The following IQSEC1 variants were observed in gnomAD, a reference collection of about 807,000 sequenced individuals.
IQSEC1 encodes IQ motif and SEC7 domain-containing protein 1.
Under a neutral mutation model 91.0 loss-of-function variants are expected in IQSEC1, and 31 were observed. The ratio of observed to expected loss-of-function variants is 0.34; its 90% CI spans 0.26 to 0.46. The LOEUF (loss-of-function observed/expected upper bound fraction) is 0.46, where lower values mean the gene tolerates loss of function less well. Ranked by LOEUF, IQSEC1 falls within the 20% of genes least tolerant of loss-of-function variation. The pLI, the probability that IQSEC1 is intolerant of heterozygous loss-of-function variation, is 1.00. For synonymous variants in IQSEC1, 699 were observed against 662.6 expected, an observed-to-expected ratio of 1.05 and a Z score of -0.84; for missense variants, 1,388 against 1,575.6, an observed-to-expected ratio of 0.88 and a Z score of 2.02.
At chr3:13,188,727 C>T (rs372826837) in intron 1 of IQSEC1, among the ~76,000 whole-genome samples, 7 of 152,202 alleles carry the variant, frequency 4.6e-5, no homozygotes, top group South Asian at 4.1e-4. Flanking sequence ...CCTCTTTCAC[C>T]GCAGGCCTGG....
At chr3:13,200,986 C>T (rs1694234039) in intron 1 of IQSEC1, among the ~76,000 whole-genome samples, 1 of 152,212 alleles carries the variant, frequency 6.6e-6, no homozygotes, top group Admixed American at 6.5e-5. Flanking sequence ...GCCAAGACCC[C>T]ATTCCTAGTC....
chr3:13,047,176 G>A (rs1037844310), intron 1 of IQSEC1, among the ~76,000 whole-genome samples: 3 of 152,204 alleles, frequency 2.0e-5, no homozygotes, highest in African/African-American at 7.2e-5. Flanking sequence ...GATCTCGGAA[G>A]AACTATCAGC....
At position 13,234,647 on chromosome 3, in the gene IQSEC1, C is replaced by T. The variant is rs903906790; in HGVS notation, c.272+48064G>A. Among the ~76,000 whole-genome samples, 4 of 152,168 alleles carry T rather than the reference C, an allele frequency of 2.6e-5. 1 individual carries two copies. The highest frequency in any genetic ancestry group is 2.0e-4 in the Admixed American group (3 of 15,278). On this transcript the variant is annotated intron_variant, in intron 1 of 15. Coordinates refer to the IQSEC1 transcript ENST00000648114. The stretch of plus-strand genomic sequence containing the variant: ...ACACAGGTTATGCCTGCAGCAGCAG[C>T]GAGAATCAAGTGAAATTGCCCAGTG...
chr3:13,122,395 G>A (rs761972238), intron 2 of IQSEC1, among the ~76,000 whole-genome samples: 8 of 152,316 alleles, frequency 5.3e-5, no homozygotes, highest in Non-Finnish European at 7.4e-5. Context: ...AGGGAGCCAC[G>A]GGAAGGTGCT....
At position 12,924,056 on chromosome 3, in the gene IQSEC1, G is replaced by A. The variant is rs937025486; in HGVS notation, c.1730+525C>T. Among the ~76,000 whole-genome samples, 5 of 152,228 alleles carry A rather than the reference G, an allele frequency of 3.3e-5. No individual in the cohort carries two copies. In the South Asian group the frequency reaches 8.3e-4, roughly 25 times the overall value. ...CGGGAGAATGAGGCAGGGGCAGAGC[G>A]TGGCACGGGCCGCCCACGGGGAGGC... On this transcript the variant is annotated intron_variant, in intron 4 of 13. Coordinates refer to ENST00000613206, the MANE Select transcript of IQSEC1 (RefSeq NM_001134382.3). The surrounding 1 kb of genome is among the most constrained non-coding windows in gnomAD (Gnocchi z 6.3).
At chr3:12,928,164 G>C (rs773209657) in intron 3 of IQSEC1, among the ~76,000 whole-genome samples, 1 of 152,084 alleles carries the variant, frequency 6.6e-6, no homozygotes, top group Non-Finnish European at 1.5e-5. Flanking sequence ...GAGGTGGGAG[G>C]GGGCCGGGTT....
At chr3:12,975,001 T>C (rs1701094847) in intron 1 of IQSEC1, among the ~76,000 whole-genome samples, 1 of 152,240 alleles carries the variant, frequency 6.6e-6, no homozygotes, top group African/African-American at 2.4e-5. Flanking sequence ...CCAGCCCCGC[T>C]ATGTGACCTC....
At chr3:13,240,429 G>A (rs1695001839) in intron 1 of IQSEC1, among the ~76,000 whole-genome samples, 1 of 152,114 alleles carries the variant, frequency 6.6e-6, no homozygotes, top group Non-Finnish European at 1.5e-5. Flanking sequence ...AGGCTCCCCA[G>A]GGCTAGGTGG....
At chr3:13,098,178 G>A (rs1159550230) in intron 2 of IQSEC1, among the ~76,000 whole-genome samples, 1 of 152,228 alleles carries the variant, frequency 6.6e-6, no homozygotes, top group Admixed American at 6.5e-5. Flanking sequence ...GAGCAACTAT[G>A]ATGTGCAGCC....
At chr3:13,220,483 T>C (rs1208161732) in intron 1 of IQSEC1, among the ~76,000 whole-genome samples, 2 of 152,226 alleles carry the variant, frequency 1.3e-5, no homozygotes, top group Non-Finnish European at 2.9e-5. Flanking sequence ...TCATCTAGAC[T>C]GAGACATGGG....
chr3:13,122,984 T>C (rs1706449940), intron 2 of IQSEC1, among the ~76,000 whole-genome samples: 1 of 152,108 alleles, frequency 6.6e-6, no homozygotes, highest in African/African-American at 2.4e-5. Flanking sequence ...CCTCCCTGCA[T>C]GAGGTGTGCT....
rs368756598 is a variant in IQSEC1 at position 12,922,658 on chromosome 3, C to T, written c.1731-416G>A. On this transcript the variant is annotated intron_variant, in intron 4 of 13. Coordinates refer to ENST00000613206, the MANE Select transcript of IQSEC1 (RefSeq NM_001134382.3). The surrounding 1 kb of genome is among the most constrained non-coding windows in gnomAD (Gnocchi z 5.1). ...GCCATTTTCACAGTGAGGAAAGGGG[C>T]GCCCAGGGTGTTGACTTTCAGAATA... 9.9e-5 allele frequency among the ~76,000 whole-genome samples: 15 copies of T among 152,254 alleles called. No individual in the cohort carries two copies. The highest frequency in any genetic ancestry group is 6.5e-4 in the Admixed American group (10 of 15,288).
chr3:13,224,194 C>T (rs1694714167), intron 1 of IQSEC1, among the ~76,000 whole-genome samples: 2 of 152,238 alleles, frequency 1.3e-5, no homozygotes, highest in Non-Finnish European at 2.9e-5. Context: ...GAGCCGACAT[C>T]GACCTCACTA....
At chr3:13,221,842 A>G (rs17037914) in intron 1 of IQSEC1, among the ~76,000 whole-genome samples, 28,188 of 152,168 alleles carry the variant, frequency 0.19, 3,557 homozygotes, top group African/African-American at 0.34. Context: ...CTAGATTCAT[A>G]AAGGACTCCA....
chr3:13,003,276 C>CAAAAAAAA (rs56239928), intron 1 of IQSEC1, among the ~76,000 whole-genome samples: 8 of 57,090 alleles, frequency 1.4e-4, no homozygotes, highest in South Asian at 1.0e-3. Context: ...CTGTCTCTAC[C>CAAAAAAAA]AAAAAAAAAA....
In IQSEC1 at chr3:12,954,925, G is replaced by T. The variant is rs57250554; in HGVS notation, c.24-13060C>A. 2.2e-3 allele frequency among the ~76,000 whole-genome samples: 336 copies of T among 152,316 alleles called. 2 individuals carry two copies. The highest frequency in any genetic ancestry group is 7.6e-3 in the African/African-American group (317 of 41,558). Reference sequence around the variant, plus strand: ...GGTCCTCAGTGCCAAGGCACAGCTGGCTGGCTGTCTTCTTCTCCCGCAACT... The same window carrying T: ...GGTCCTCAGTGCCAAGGCACAGCTGTCTGGCTGTCTTCTTCTCCCGCAACT... On this transcript the variant is annotated intron_variant, in intron 1 of 13. Coordinates refer to ENST00000613206, the MANE Select transcript of IQSEC1 (RefSeq NM_001134382.3).
At chr3:13,175,912 C>A (rs1693719162) in intron 1 of IQSEC1, among the ~76,000 whole-genome samples, 1 of 152,232 alleles carries the variant, frequency 6.6e-6, no homozygotes, top group Non-Finnish European at 1.5e-5. Flanking sequence ...CCTCCCCAAA[C>A]TTCCTACCAC....
chr3:13,157,704 C>A (rs1045049178), intron 2 of IQSEC1, among the ~76,000 whole-genome samples: 1 of 152,252 alleles, frequency 6.6e-6, no homozygotes, highest in East Asian at 1.9e-4. Context: ...GCTGCTACCA[C>A]CTCCTGCTCA....
In IQSEC1 at chr3:13,095,060, T is replaced by C. The variant is rs546398878; in HGVS notation, c.303-47538A>G. On this transcript the variant is annotated intron_variant, in intron 2 of 15. Coordinates refer to the IQSEC1 transcript ENST00000648114. Reference sequence around the variant, plus strand: ...TATTGCACCGAGAGCCCCCCTCCTCTCCACCTTGCTTCTGGTTTACTGCAG... The same window carrying C: ...TATTGCACCGAGAGCCCCCCTCCTCCCCACCTTGCTTCTGGTTTACTGCAG... Among the ~76,000 whole-genome samples, 25 of 151,550 alleles carry C rather than the reference T, an allele frequency of 1.6e-4. 1 individual carries two copies. In the East Asian group the frequency reaches 2.5e-3, roughly 15 times the overall value.
Sources: gnomAD v4.1 joint callset for allele counts (sites outside exome capture counted in the v4.1 genomes callset) on GRCh38, gnomAD v4.1.1 for gene constraint, Gnocchi (gnomAD v3.1) non-coding constraint, MANE v1.5 for transcripts, NCBI Gene and HGNC (gene_info 2026-07-23, HGNC 2026-07-21) for gene names.